The following PPM1B variants were observed in gnomAD, a reference collection of about 807,000 sequenced individuals.
The protein encoded by PPM1B is protein phosphatase, Mg2+/Mn2+ dependent 1B.
A neutral mutation model predicts 43.0 loss-of-function variants in PPM1B; 22 were observed. The ratio of observed to expected loss-of-function variants is 0.51; its 90% CI spans 0.37 to 0.73. The LOEUF (loss-of-function observed/expected upper bound fraction) is 0.73. Among genes scored for constraint, PPM1B ranks in the 30% least tolerant of loss-of-function variants. The probability of loss-of-function intolerance (pLI) is 0.00; values close to 1 mark genes in which losing one functional copy is unlikely to be tolerated. For synonymous variants in PPM1B, 217 were observed against 197.9 expected (o/e 1.10, Z -0.81); for missense variants, 632 against 584.2 (o/e 1.08, Z -0.84).
intron 1 of PPM1B, among the ~76,000 whole-genome samples, chr2:44,191,940 A>T (rs1668421603): frequency 6.6e-6 from 1 of 151,724 alleles, no homozygotes; most frequent in East Asian, 1.9e-4. Context: ...TTCAGTCCTG[A>T]CACTTAGGGT....
intron 3 of PPM1B, among the ~76,000 whole-genome samples, chr2:44,212,945 G>A (rs1669547689): frequency 6.6e-6 from 1 of 151,088 alleles, no homozygotes; most frequent in Non-Finnish European, 1.5e-5. Flanking sequence ...CCTGGGAGGT[G>A]GAGCTTGCAG....
At chr2:44,232,178 C>T, downstream of PPM1B, 1 of 1,299,234 alleles carries the variant, frequency 7.7e-7, no homozygotes, top group Non-Finnish European at 1.1e-6. Context: ...CAATACACAA[C>T]ATCTCTCTGT....
intron 5 of PPM1B, among the ~76,000 whole-genome samples, chr2:44,219,549 C>T (rs182034198): frequency 1.3e-5 from 2 of 152,204 alleles, no homozygotes; most frequent in East Asian, 3.9e-4. Context: ...TTTAGTGAGT[C>T]ATATAAAAGT....
intron 1 of PPM1B, among the ~76,000 whole-genome samples, chr2:44,193,219 A>G (rs1478980460): frequency 6.6e-6 from 1 of 152,180 alleles, no homozygotes; most frequent in Non-Finnish European, 1.5e-5. Flanking sequence ...CCATATCCTT[A>G]CCAATACCTG....
At chr2:44,229,886 A>T (rs1670392207) in intron 5 of PPM1B, 5 of 1,070,366 alleles carry the variant, frequency 4.7e-6, no homozygotes, top group Non-Finnish European at 6.6e-6. Flanking sequence ...TTTTATCAAA[A>T]TAAGAGCAAA....
downstream of PPM1B, among the ~76,000 whole-genome samples, chr2:44,235,423 G>A (rs977651629): frequency 3.9e-5 from 6 of 152,140 alleles, no homozygotes; most frequent in Non-Finnish European, 5.9e-5. Context: ...GACCAACATG[G>A]AGAAACCCTG....
intron 1 of PPM1B, among the ~76,000 whole-genome samples, chr2:44,173,009 A>G (rs1354237105): frequency 6.6e-6 from 1 of 152,272 alleles, no homozygotes; most frequent in African/African-American, 2.4e-5. Context: ...TTTCTTAAAG[A>G]CTACCTAGAA....
downstream of PPM1B, chr2:44,232,290 ATAT>A (rs996878602): frequency 2.5e-6 from 4 of 1,601,676 alleles, no homozygotes; most frequent in African/African-American, 2.7e-5. Context: ...GTAAATAATA[ATAT>A]TCTTCCTTTT....
At chr2:44,185,974 G>C (rs1423289230) in intron 1 of PPM1B, among the ~76,000 whole-genome samples, 1 of 152,182 alleles carries the variant, frequency 6.6e-6, no homozygotes, top group African/African-American at 2.4e-5. Flanking sequence ...CTAAGAATTG[G>C]AAGAAAGGAT....
downstream of PPM1B, among the ~76,000 whole-genome samples, chr2:44,234,804 TAAC>T (rs1208823546): frequency 5.9e-5 from 9 of 152,352 alleles, no homozygotes; most frequent in African/African-American, 1.2e-4. Flanking sequence ...TTTAATTTGT[TAAC>T]AAAACAATTA....
intron 1 of PPM1B, among the ~76,000 whole-genome samples, chr2:44,186,622 G>A (rs1199140474): frequency 1.3e-5 from 2 of 152,098 alleles, no homozygotes; most frequent in East Asian, 1.9e-4. Context: ...CAATCCACCC[G>A]CCTGAGCCTC....
chr2:44,244,475 C>A, downstream of PPM1B: 2 of 936,958 alleles, frequency 2.1e-6, no homozygotes, highest in Non-Finnish European at 2.7e-6. Context: ...CATATTTTTT[C>A]CTGTCCATGT....
chr2:44,177,487 C>G (rs963724146), intron 1 of PPM1B, among the ~76,000 whole-genome samples: 5 of 143,418 alleles, frequency 3.5e-5, no homozygotes, highest in Non-Finnish European at 3.0e-5. Flanking sequence ...GGCATGATCT[C>G]GGCTCACTGC....
intron 3 of PPM1B, among the ~76,000 whole-genome samples, chr2:44,217,518 T>C (rs1669779010): frequency 6.6e-6 from 1 of 152,344 alleles, no homozygotes; most frequent in Middle Eastern, 3.4e-3. Flanking sequence ...TTTATTATCC[T>C]TTAGTAATGG....
downstream of PPM1B, among the ~76,000 whole-genome samples, chr2:44,236,292 ACTCG>A (rs940550621): frequency 6.6e-5 from 10 of 150,846 alleles, no homozygotes; most frequent in African/African-American, 2.4e-4. Flanking sequence ...AGTCCTAGCT[ACTCG>A]GGAGTTTGAG....
chr2:44,187,164 A>T (rs566725734), intron 1 of PPM1B, among the ~76,000 whole-genome samples: 1 of 152,308 alleles, frequency 6.6e-6, no homozygotes, highest in East Asian at 1.9e-4. Context: ...TAGATACCCC[A>T]TGTAAGTGGA....
chr2:44,198,880 A>G (rs986777130), intron 1 of PPM1B, among the ~76,000 whole-genome samples: 8 of 152,174 alleles, frequency 5.3e-5, no homozygotes, highest in African/African-American at 1.9e-4. Context: ...GGGAGAATGA[A>G]TTAGTTTAAG....
chr2:44,193,187 G>A (rs747353945), intron 1 of PPM1B, among the ~76,000 whole-genome samples: 2 of 152,134 alleles, frequency 1.3e-5, no homozygotes, highest in Non-Finnish European at 2.9e-5. Flanking sequence ...ACCACCATCA[G>A]TGTACAAAGG....
At chr2:44,226,364 C>T (rs941874118) in intron 5 of PPM1B, among the ~76,000 whole-genome samples, 4 of 152,154 alleles carry the variant, frequency 2.6e-5, no homozygotes, top group African/African-American at 9.7e-5. Context: ...ATGTAAGTGT[C>T]AGTTGGAAAG....
Sources: allele counts gnomAD v4.1 joint callset (sites outside exome capture counted in the v4.1 genomes callset), GRCh38; gene constraint gnomAD v4.1.1; transcripts MANE v1.5; gene names NCBI Gene and HGNC (gene_info 2026-07-23, HGNC 2026-07-21).